The following TESMIN variants were observed in gnomAD, a reference collection of about 807,000 sequenced individuals.
TESMIN encodes the protein testis expressed metallothionein like protein.
TESMIN carries 34 observed loss-of-function variants against 47.4 expected under a neutral mutation model. The ratio of observed to expected loss-of-function variants is 0.72; its 90% confidence interval spans 0.55 to 0.96. TESMIN has a LOEUF of 0.96. TESMIN is among the 40% of genes least tolerant of loss of function. TESMIN has a pLI of 0.00. For missense variants in TESMIN, 610 were observed against 637.2 expected (o/e 0.96, Z 0.46); for synonymous variants, 278 against 258.9 (o/e 1.07, Z -0.71).
chr11:68,740,875 A>T (rs371334729), intron 5 of TESMIN, among the ~76,000 whole-genome samples: 6 of 152,172 alleles, frequency 3.9e-5, no homozygotes, highest in African/African-American at 1.2e-4. Flanking sequence ...AGGCATCCCA[A>T]ATTTAATATA....
chr11:68,744,246 A>T (rs1946492530), intron 4 of TESMIN, among the ~76,000 whole-genome samples: 1 of 152,250 alleles, frequency 6.6e-6, no homozygotes, highest in Non-Finnish European at 1.5e-5. Context: ...AGGCAAGGTC[A>T]GTGAATCACC....
intron 6 of TESMIN, among the ~76,000 whole-genome samples, chr11:68,734,261 C>T (rs1459950724): frequency 6.6e-6 from 1 of 152,178 alleles, no homozygotes; most frequent in Non-Finnish European, 1.5e-5. Flanking sequence ...ACAACTCCCT[C>T]CTAACTGCAT....
At chr11:68,711,082 T>C in intron 8 of TESMIN, 33 bp from the exon 9 acceptor site, 1 of 1,547,470 alleles carries the variant, frequency 6.5e-7, no homozygotes, top group Non-Finnish European at 8.8e-7. Context: ...TAAAATTAGG[T>C]TGTCTCACAA....
At chr11:68,745,175 A>C (rs553817172) in intron 3 of TESMIN, 64 bp from the exon 4 acceptor site, 1 of 1,449,876 alleles carries the variant, frequency 6.9e-7, no homozygotes, top group Middle Eastern at 1.9e-4. Flanking sequence ...AATGAACCTA[A>C]ATAAACTTAA....
chr11:68,722,966 A>T (rs927111985), intron 6 of TESMIN, among the ~76,000 whole-genome samples: 13 of 152,234 alleles, frequency 8.5e-5, no homozygotes, highest in Non-Finnish European at 4.4e-5. Context: ...ATCTTAAGTG[A>T]GGGATCTCAA....
intron 6 of TESMIN, among the ~76,000 whole-genome samples, chr11:68,722,543 C>T (rs1172100601): frequency 2.6e-5 from 4 of 151,750 alleles, no homozygotes; most frequent in African/African-American, 4.8e-5. Flanking sequence ...AAAGTTGTTA[C>T]AAATAAGTCC....
intron 9 of TESMIN, among the ~76,000 whole-genome samples, chr11:68,710,194 A>G (rs1946047283): frequency 6.6e-6 from 1 of 152,154 alleles, no homozygotes; most frequent in Non-Finnish European, 1.5e-5. Flanking sequence ...AATCATGAGT[A>G]TTTCTGATAT....
chr11:68,711,305 AGT>A (rs34698323), intron 8 of TESMIN, among the ~76,000 whole-genome samples: 90,484 of 148,686 alleles, frequency 0.61, 28,381 homozygotes, highest in East Asian at 0.78. Context: ...CGTGTATATG[AGT>A]GTGTGTGGGG....
intron 6 of TESMIN, among the ~76,000 whole-genome samples, chr11:68,731,839 CA>C (rs1416405928): frequency 1.3e-5 from 2 of 152,190 alleles, no homozygotes; most frequent in African/African-American, 4.8e-5. Context: ...AAACAGAACA[CA>C]AACTTTATTA....
intron 6 of TESMIN, chr11:68,732,568 C>G (rs1946341234): frequency 6.5e-6 from 1 of 153,216 alleles, no homozygotes. Context: ...TCTGACATCT[C>G]CATCTGGGAA....
At chr11:68,726,329 T>A (rs528510954) in intron 6 of TESMIN, among the ~76,000 whole-genome samples, 1 of 152,010 alleles carries the variant, frequency 6.6e-6, no homozygotes, top group African/African-American at 2.4e-5. Flanking sequence ...AAAAAAAAAA[T>A]TAGCCAAAAA....
chr11:68,707,011 A>AAGC (rs1946005149), downstream of TESMIN, among the ~76,000 whole-genome samples: 1 of 152,222 alleles, frequency 6.6e-6, no homozygotes, highest in South Asian at 2.1e-4. Flanking sequence ...ACAGGACTGA[A>AAGC]AGCACACACA....
intron 2 of TESMIN, among the ~76,000 whole-genome samples, chr11:68,748,696 C>T (rs1305951313): frequency 6.6e-6 from 1 of 152,126 alleles, no homozygotes; most frequent in African/African-American, 2.4e-5. Context: ...TGTATCTGGT[C>T]CATTTTATTA....
intron 6 of TESMIN, among the ~76,000 whole-genome samples, chr11:68,718,923 G>A (rs907451676): frequency 5.9e-5 from 9 of 152,208 alleles, no homozygotes; most frequent in Non-Finnish European, 8.8e-5. Flanking sequence ...TTTTAGACAC[G>A]TAAGGTCTGA....
Position 68,708,278 on chromosome 11 carries a change from C to A in TESMIN, c.*30G>T. The A allele has an allele frequency of 1.3e-6, 2 of 1,535,726 alleles. No individual in the cohort carries two copies. The highest frequency in any genetic ancestry group is 8.8e-7 in the Non-Finnish European group (1 of 1,137,796). On this transcript the variant is annotated 3_prime_UTR_variant, in exon 10 of 10. Transcript: ENST00000255087. Reference sequence around the variant, plus strand: ...TAAACTAGAGATTTCTAGACTAAGACAAAATCAACATGCATTCACACTTTA... The same window carrying A: ...TAAACTAGAGATTTCTAGACTAAGAAAAAATCAACATGCATTCACACTTTA...
In TESMIN at chr11:68,745,103, G is replaced by A; in HGVS notation, c.639C>T (p.Cys213=). 6.4e-7 allele frequency: 1 copy of A among 1,573,236 alleles called. No homozygotes were observed. The highest frequency in any genetic ancestry group is 1.2e-5 in the South Asian group (1 of 82,122). The change falls in exon 4 of 10, where the codon TGC becomes TGT. Residue 213 remains cysteine (C), a synonymous_variant. Coordinates refer to ENST00000255087, the MANE Select transcript of TESMIN (RefSeq NM_004923.3). ...GCATTTGTGTGCCCCCTTTCAATTG[G>A]CATATCACCTAAAATGAAAAAGAAC... is the stretch of plus-strand genomic sequence containing the variant. The part of the protein sequence containing the change: ...LKKDSNPMVI[C]QLKGGTQMLC...
intron 3 of TESMIN, among the ~76,000 whole-genome samples, chr11:68,745,407 T>C (rs1946508068): frequency 1.3e-5 from 2 of 151,868 alleles, no homozygotes; most frequent in South Asian, 4.1e-4. Flanking sequence ...AGGTGTCTGA[T>C]TTAGTTGGGG....
At chr11:68,712,332 CTG>C (rs1040075638) in intron 8 of TESMIN, among the ~76,000 whole-genome samples, 1 of 152,228 alleles carries the variant, frequency 6.6e-6, no homozygotes, top group Non-Finnish European at 1.5e-5. Context: ...CGTGTTTTGA[CTG>C]TGTTTTCCAC....
chr11:68,729,995 G>A (rs940764382), intron 6 of TESMIN, among the ~76,000 whole-genome samples: 2 of 152,112 alleles, frequency 1.3e-5, no homozygotes, highest in African/African-American at 4.8e-5. Context: ...CGCAACCCCA[G>A]CCTTCAGTCC....
Sources: allele counts gnomAD v4.1 joint callset (sites outside exome capture counted in the v4.1 genomes callset), GRCh38; gene constraint gnomAD v4.1.1; transcripts MANE v1.5; gene names NCBI Gene and HGNC (gene_info 2026-07-23, HGNC 2026-07-21).